SPECC1L: variants seen among roughly 807,000 people sequenced by gnomAD.
SPECC1L encodes cytospin-A.
In SPECC1L, 40 loss-of-function variants were observed where a neutral mutation model predicts 116.8. The observed-to-expected ratio is 0.34, with a 90% CI of 0.27 to 0.45. SPECC1L has a LOEUF of 0.45. Among genes scored for constraint, SPECC1L ranks in the 20% least tolerant of loss-of-function variants. SPECC1L has a pLI of 1.00. For missense variants in SPECC1L, 1,110 were observed against 1,373.6 expected (o/e 0.81, Z 3.03); for synonymous variants, 504 against 500.6 (o/e 1.01, Z -0.09).
chr22:24,396,194 A>G (rs939043351), intron 14 of SPECC1L, among the ~76,000 whole-genome samples: 3 of 152,194 alleles, frequency 2.0e-5, no homozygotes, highest in South Asian at 2.1e-4. Flanking sequence ...CATGAAATAC[A>G]TATTTGACAC....
chr22:24,295,841 G>A lies in SPECC1L; in HGVS notation c.-37-6354G>A, dbSNP rs62233079. Among the ~76,000 whole-genome samples, 1,203 of 152,076 alleles carry A rather than the reference G, an allele frequency of 7.9e-3. 8 individuals carry two copies. The highest frequency in any genetic ancestry group is 0.024 in the South Asian group (116 of 4,812). ...CAGGCGCCCATAATCCCACCTACTC[G>A]GGAGGCTGAGGGAGGAGAATCACTT... On this transcript the variant is annotated intron_variant, in intron 2 of 16. Transcript: ENST00000314328.
intron 11 of SPECC1L, among the ~76,000 whole-genome samples, chr22:24,358,086 CAT>C (rs1460573818): frequency 1.3e-5 from 2 of 149,314 alleles, no homozygotes; most frequent in African/African-American, 4.9e-5. Flanking sequence ...GTAAGGATCA[CAT>C]ATTGTAGAGG....
rs2040739666 is a variant in SPECC1L at position 24,322,390 on chromosome 22, A to G, written c.1410A>G (p.Leu470=). The G allele has an allele frequency of 1.2e-6, 2 of 1,614,146 alleles. No homozygotes were observed. The highest frequency in any genetic ancestry group is 1.7e-5 in the Admixed American group (1 of 60,012). ...SRQIEYFRSL[L]DEHHISYVID... ...AGATTGAATACTTCCGCTCTCTTCT[A>G]GATGAGCATCACATTTCTTATGTCA... The change falls in exon 5 of 17, where the codon CTA becomes CTG. Residue 470 remains leucine, a synonymous_variant. Transcript: ENST00000314328.
At chr22:24,412,839 C>G (rs999857135) in intron 16 of SPECC1L, 132 bp downstream of exon 16, 99 of 947,916 alleles carry the variant, frequency 1.0e-4, no homozygotes, top group Non-Finnish European at 1.6e-4. Context: ...ATGGGGTGCT[C>G]TGGGGCCAAG....
At chr22:24,305,992 G>A (rs577788177) in intron 3 of SPECC1L, among the ~76,000 whole-genome samples, 4 of 151,094 alleles carry the variant, frequency 2.6e-5, no homozygotes, top group African/African-American at 7.3e-5. Flanking sequence ...CGCCATCTCC[G>A]CCTCCCGGGT....
intron 11 of SPECC1L, among the ~76,000 whole-genome samples, chr22:24,360,034 C>T (rs909896102): frequency 2.6e-5 from 4 of 152,186 alleles, no homozygotes; most frequent in Non-Finnish European, 5.9e-5. Flanking sequence ...GACCTTTGCA[C>T]CAAGCCAAGT....
intron 14 of SPECC1L, among the ~76,000 whole-genome samples, chr22:24,371,641 ACAAAAATGAACGCAGCATAC>A (rs2041871837): frequency 6.6e-6 from 1 of 152,210 alleles, no homozygotes; most frequent in Admixed American, 6.5e-5. Context: ...TGCTCTGAGA[ACAAAAATGAACGCAGCATAC>A]CAAAATTTAT....
rs749703952 is a variant in SPECC1L at position 24,414,674 on chromosome 22, C to G, written c.*51C>G. Reference sequence around the variant, plus strand: ...AGCGGGGGTACCCCTCCACAGCGACCGAGCGACACCGACGCCATTAGCTAC... The same window carrying G: ...AGCGGGGGTACCCCTCCACAGCGACGGAGCGACACCGACGCCATTAGCTAC... On this transcript the variant is annotated 3_prime_UTR_variant, in exon 17 of 17. Transcript: ENST00000314328. 1 of 1,512,686 alleles carries G rather than the reference C, an allele frequency of 6.6e-7. No individual in the cohort carries two copies. The highest frequency in any genetic ancestry group is 1.4e-5 in the African/African-American group (1 of 73,044). The allele number at this position is 1,512,686 out of a possible 1,614,324, so 93.7% of individuals were successfully genotyped here. A position where few individuals can be genotyped will look rare whatever the true frequency, so the allele number is the denominator to read the frequency against.
intron 2 of SPECC1L, among the ~76,000 whole-genome samples, chr22:24,291,318 C>T (rs1443210336): frequency 6.6e-6 from 1 of 152,186 alleles, no homozygotes; most frequent in Admixed American, 6.5e-5. Flanking sequence ...AAACAAGGCT[C>T]ACAGAGTGTG....
In SPECC1L at chr22:24,416,295, A is replaced by T. The variant is rs1354878762; in HGVS notation, c.*1672A>T. 1 of 152,232 alleles carries T rather than the reference A, an allele frequency of 6.6e-6. No homozygotes were observed. Among genetic ancestry groups the T allele is most frequent in the East Asian group, 1.9e-4 (1 of 5,188 alleles). 9.4% of individuals were successfully genotyped at this position (152,232 alleles called of 1,614,324 possible). A position where few individuals can be genotyped will look rare whatever the true frequency, so the allele number is the denominator to read the frequency against. On this transcript the variant is annotated 3_prime_UTR_variant, in exon 17 of 17. Transcript: ENST00000314328. ...AGCTCAGGCTGCTGCCGCTGGCTGGATGCCCTTTGGTGAAATGCCTGTTTT... is the reference window on the plus strand; with the variant it reads ...AGCTCAGGCTGCTGCCGCTGGCTGGTTGCCCTTTGGTGAAATGCCTGTTTT...
intron 2 of SPECC1L, among the ~76,000 whole-genome samples, chr22:24,288,491 A>G (rs905825997): frequency 6.6e-6 from 1 of 151,718 alleles, no homozygotes; most frequent in Non-Finnish European, 1.5e-5. Context: ...TTTTTTATTA[A>G]TTTCTTTTTA....
Position 24,322,106 on chromosome 22 carries a change from A to C in SPECC1L, c.1126A>C (p.Ser376Arg), listed in dbSNP as rs2040734143. Residue 376 changes from serine to arginine, a missense_variant, in exon 5 of 17, where the codon AGC (serine) becomes CGC (arginine). By Grantham distance (110) the Ser-to-Arg change is moderately radical. Transcript: ENST00000314328. ...PSSSESEGIPSIERSRKGSSG... is the reference protein window; with the variant it reads ...PSSSESEGIPRIERSRKGSSG... ...CTCCTCAGAGTCGGAAGGCATCCCC[A>C]GCATAGAGCGCTCCCGGAAGGGGAG... The C allele has an allele frequency of 6.2e-7, 1 of 1,613,986 alleles. No individual in the cohort carries two copies. The highest frequency in any genetic ancestry group is 1.7e-5 in the Admixed American group (1 of 60,008).
At chr22:24,371,132 A>G (rs2041863272) in intron 14 of SPECC1L, among the ~76,000 whole-genome samples, 1 of 152,194 alleles carries the variant, frequency 6.6e-6, no homozygotes, top group Non-Finnish European at 1.5e-5. Flanking sequence ...AGATTGAGAT[A>G]AGACCAGATA....
intron 15 of SPECC1L, 62 bp downstream of exon 15, chr22:24,411,766 G>C (rs2042703244): frequency 7.4e-7 from 1 of 1,355,300 alleles, no homozygotes; most frequent in Non-Finnish European, 1.1e-6. Context: ...TGAGAACCAA[G>C]GGCAGCACCT....
intron 14 of SPECC1L, among the ~76,000 whole-genome samples, chr22:24,395,045 A>G (rs2042340959): frequency 6.6e-6 from 1 of 152,084 alleles, no homozygotes; most frequent in Admixed American, 6.6e-5. Flanking sequence ...CCAGGCTGGT[A>G]TCAAACTCCT....
At chr22:24,303,565 G>A (rs1601522964) in intron 3 of SPECC1L, among the ~76,000 whole-genome samples, 1 of 152,158 alleles carries the variant, frequency 6.6e-6, no homozygotes, top group Non-Finnish European at 1.5e-5. Flanking sequence ...TTATTTATGT[G>A]ACTGGAAGAA....
chr22:24,398,718 A>G (rs1360871697), intron 14 of SPECC1L, among the ~76,000 whole-genome samples: 2 of 152,168 alleles, frequency 1.3e-5, no homozygotes, highest in Non-Finnish European at 2.9e-5. Flanking sequence ...TCCTGAGGGT[A>G]AATTAAAGAA....
At chr22:24,281,879 A>G (rs947149615) in intron 2 of SPECC1L, among the ~76,000 whole-genome samples, 5 of 152,274 alleles carry the variant, frequency 3.3e-5, no homozygotes, top group African/African-American at 9.6e-5. Flanking sequence ...ACAGAGCGGA[A>G]TCATCAAGAC....
intron 3 of SPECC1L, among the ~76,000 whole-genome samples, chr22:24,312,807 T>C (rs1462249011): frequency 6.6e-6 from 1 of 152,230 alleles, no homozygotes; most frequent in Non-Finnish European, 1.5e-5. Context: ...ATGCATGTTT[T>C]AGAAAATACC....
Sources: gnomAD v4.1 joint callset for allele counts (sites outside exome capture counted in the v4.1 genomes callset) on GRCh38, gnomAD v4.1.1 for gene constraint, MANE v1.5 for transcripts, NCBI Gene and HGNC (gene_info 2026-07-23, HGNC 2026-07-21) for gene names.